Variants in MBNL2 observed in about 807,000 individuals in gnomAD.
MBNL2 encodes muscleblind-like protein 2.
Under a neutral mutation model 41.9 loss-of-function variants are expected in MBNL2, and 17 were observed. That is an observed-to-expected ratio of 0.41 (90% CI 0.28 to 0.61). The LOEUF (loss-of-function observed/expected upper bound fraction) is 0.61, where lower values mean the gene tolerates loss of function less well. Among genes scored for constraint, MBNL2 ranks in the 20% least tolerant of loss-of-function variants. The pLI is 0.35. For synonymous variants in MBNL2, 195 were observed against 182.9 expected (o/e 1.07, Z -0.53); for missense variants, 336 against 505.6 (o/e 0.66, Z 3.22).
chr13:97,185,273 A>G, the MBNL2 span, among the ~76,000 whole-genome samples: 1 of 152,272 alleles, frequency 6.6e-6, no homozygotes, highest in Non-Finnish European at 1.5e-5. Flanking sequence ...ATCACTGAAT[A>G]GAGAATAACT....
At chr13:97,238,528 A>G (rs541474459) in intron 1 of MBNL2, among the ~76,000 whole-genome samples, 1 of 152,326 alleles carries the variant, frequency 6.6e-6, no homozygotes, top group East Asian at 1.9e-4. Context: ...GATCCTAAAG[A>G]AAGTTCAATA....
chr13:97,342,043 A>C (rs59512800), intron 3 of MBNL2, among the ~76,000 whole-genome samples: 1 of 151,992 alleles, frequency 6.6e-6, no homozygotes, highest in African/African-American at 2.4e-5. Flanking sequence ...AACCAACCAA[A>C]CAAATGAAAA....
intron 1 of MBNL2, among the ~76,000 whole-genome samples, chr13:97,269,025 A>G (rs1432035577): frequency 2.0e-5 from 3 of 152,122 alleles, no homozygotes; most frequent in Non-Finnish European, 4.4e-5. Flanking sequence ...GCAAGCTCAT[A>G]TCCTTTTCCA....
the MBNL2 span, among the ~76,000 whole-genome samples, chr13:97,147,247 T>G: frequency 6.6e-5 from 10 of 152,236 alleles, no homozygotes; most frequent in East Asian, 1.7e-3. Flanking sequence ...ATTCCAGACA[T>G]AGATACTTAG....
At chr13:97,171,206 A>G in the MBNL2 span, among the ~76,000 whole-genome samples, 3 of 152,300 alleles carry the variant, frequency 2.0e-5, no homozygotes, top group African/African-American at 7.2e-5. Flanking sequence ...ACTTCCTATA[A>G]GCCAGAAATT....
chr13:97,250,166 T>C lies in MBNL2; in HGVS notation c.-604-25466T>C, dbSNP rs371030206. ...TAATTCTTAGGTTGAATCTTTGTTT[T>C]CTGACTTCCATATCTGCCAATAGTT... On this transcript the variant is annotated intron_variant, in intron 1 of 8. Transcript: ENST00000679496. Among the ~76,000 whole-genome samples the C allele has an allele frequency of 2.4e-3, 364 of 152,340 alleles. 2 individuals carry two copies. The highest frequency in any genetic ancestry group is 8.5e-3 in the African/African-American group (352 of 41,576).
intron 1 of MBNL2, among the ~76,000 whole-genome samples, chr13:97,252,577 C>T (rs896760869): frequency 2.6e-5 from 4 of 151,852 alleles, no homozygotes; most frequent in African/African-American, 9.7e-5. Flanking sequence ...TTTTGCTTGT[C>T]CAATACATTT....
intron 2 of MBNL2, among the ~76,000 whole-genome samples, chr13:97,289,106 A>G (rs185412702): frequency 3.3e-5 from 5 of 152,380 alleles, no homozygotes; most frequent in South Asian, 2.1e-4. Flanking sequence ...TATCATCTCA[A>G]TGGAGCATTT....
In MBNL2 at chr13:97,357,590, C is replaced by G. The variant is rs1329519885; in HGVS notation, c.967C>G (p.Leu323Val). Residue 323 changes from leucine (L) to valine (V), a missense_variant, in exon 7 of 9, where the codon CTC becomes GTC. Physicochemically the swap from Leu to Val is conservative, Grantham distance 32. Coordinates refer to ENST00000679496, the MANE Select transcript of MBNL2 (RefSeq NM_001382683.1). ...NPSVLHYQQALTSAQLQQHAA... is the reference protein window; with the variant it reads ...NPSVLHYQQAVTSAQLQQHAA... ...CAGCGTCTTGCACTACCAGCAGGCT[C>G]TCACCAGCGCACAGTTGCAGCAACA... is the stretch of plus-strand genomic sequence containing the variant. 6.2e-7 allele frequency: 1 copy of G among 1,613,996 alleles called. No individual in the cohort carries two copies. The highest frequency in any genetic ancestry group is 1.3e-5 in the African/African-American group (1 of 74,898).
intron 1 of MBNL2, among the ~76,000 whole-genome samples, chr13:97,269,926 G>C (rs1029894183): frequency 6.6e-6 from 1 of 152,226 alleles, no homozygotes; most frequent in African/African-American, 2.4e-5. Context: ...TGTTAATACA[G>C]ATTGGTATAG....
chr13:97,221,156 G>A (rs1476124851), upstream of MBNL2, among the ~76,000 whole-genome samples: 2 of 152,104 alleles, frequency 1.3e-5, no homozygotes, highest in African/African-American at 2.4e-5. Context: ...TTACAGATGC[G>A]CTGAACAGTT....
chr13:97,381,135 CACCA>C (rs2065419776), intron 8 of MBNL2, among the ~76,000 whole-genome samples: 1 of 151,718 alleles, frequency 6.6e-6, no homozygotes, highest in Non-Finnish European at 1.5e-5. Context: ...CACACACACA[CACCA>C]CACACAGGCA....
chr13:97,348,669 G>A lies in MBNL2; in HGVS notation c.804+1602G>A, dbSNP rs529735033. 3.3e-5 allele frequency among the ~76,000 whole-genome samples: 5 copies of A among 152,210 alleles called. 1 individual carries two copies. Among genetic ancestry groups the A allele is most frequent in the African/African-American group, 7.2e-5 (3 of 41,538 alleles). On this transcript the variant is annotated intron_variant, in intron 5 of 8. Coordinates refer to ENST00000679496, the MANE Select transcript of MBNL2 (RefSeq NM_001382683.1). ...AGTGACATGATAGAAATAGTTAATC[G>A]GGTCCAGAGGGCATGAAGGACTCAG...
chr13:97,390,258 T>C (rs1344453997), intron 8 of MBNL2, among the ~76,000 whole-genome samples: 1 of 152,200 alleles, frequency 6.6e-6, no homozygotes, highest in African/African-American at 2.4e-5. Flanking sequence ...AATTGTTGCA[T>C]ATAAAGTACA....
chr13:97,344,147 A>G (rs575436830), intron 4 of MBNL2, among the ~76,000 whole-genome samples: 1 of 152,196 alleles, frequency 6.6e-6, no homozygotes, highest in African/African-American at 2.4e-5. Flanking sequence ...TTTAACTTCA[A>G]TTGTTCTATA....
the MBNL2 span, among the ~76,000 whole-genome samples, chr13:97,206,460 G>A: frequency 6.6e-6 from 1 of 152,054 alleles, no homozygotes; most frequent in African/African-American, 2.4e-5. Flanking sequence ...ATTAGGTTTG[G>A]CTGTGAATCT....
At chr13:97,155,132 A>T in the MBNL2 span, among the ~76,000 whole-genome samples, 1 of 152,030 alleles carries the variant, frequency 6.6e-6, no homozygotes, top group South Asian at 2.1e-4. Flanking sequence ...CTTAGTTTAG[A>T]TTTCAGGGAA....
chr13:97,265,581 CTT>C, intron 1 of MBNL2, among the ~76,000 whole-genome samples: 1 of 151,992 alleles, frequency 6.6e-6, no homozygotes, highest in Non-Finnish European at 1.5e-5. Flanking sequence ...TTTCTACTTT[CTT>C]TTACTTATAC....
At chr13:97,265,058 T>G (rs2049459098) in intron 1 of MBNL2, among the ~76,000 whole-genome samples, 1 of 152,238 alleles carries the variant, frequency 6.6e-6, no homozygotes, top group Non-Finnish European at 1.5e-5. Context: ...AAACATAATT[T>G]GAATACAAAT....
Sources: allele counts gnomAD v4.1 joint callset (sites outside exome capture counted in the v4.1 genomes callset), GRCh38; gene constraint gnomAD v4.1.1; transcripts MANE v1.5; gene names NCBI Gene and HGNC (gene_info 2026-07-23, HGNC 2026-07-21).